Variants in POLE4 observed in about 807,000 individuals in gnomAD.
POLE4 encodes the protein DNA polymerase epsilon 4, accessory subunit.
POLE4 carries 15 observed loss-of-function variants against 15.6 expected under a neutral mutation model. The ratio of observed to expected loss-of-function variants is 0.96; its 90% CI spans 0.64 to 1.48. The LOEUF (loss-of-function observed/expected upper bound fraction) is 1.48. Among genes scored for constraint, POLE4 ranks in the 40% most tolerant of loss-of-function variants. The probability of loss-of-function intolerance (pLI) is 0.00; values close to 1 mark genes in which losing one functional copy is unlikely to be tolerated. For synonymous variants in POLE4, 83 were observed against 63.2 expected (o/e 1.31, Z -1.49); for missense variants, 205 against 151.9 (o/e 1.35, Z -1.84).
At chr2:74,960,720 C>T (rs1011020031) in intron 3 of POLE4, 9 of 418,032 alleles carry the variant, frequency 2.2e-5, no homozygotes, top group Non-Finnish European at 2.9e-5. Flanking sequence ...TCAGCTTACT[C>T]TTCACTACAC....
rs140595434 is a variant in POLE4, at chr2:74,959,407, C to G, written c.280C>G (p.Leu94Val). 5.6e-6 allele frequency: 9 copies of G among 1,611,590 alleles called. No homozygotes were observed. The African/African-American group carries it at 6.7e-5, about 12-fold the overall frequency. The change falls in exon 2 of 4, where the codon CTT (leucine) becomes GTT (valine). Residue 94 changes from leucine to valine, a missense_variant. Physicochemically the swap from Leu to Val is conservative, Grantham distance 32. Coordinates refer to ENST00000483063, the MANE Select transcript of POLE4 (RefSeq NM_019896.4). ...CGCTCAGCAGGGAAAAAGGAAAACC[C>G]TTCAGAGGAGAGACTTGGGTAGAGT... ...CCAQQGKRKT[L>V]QRRDLDNAIE... is the part of the protein sequence containing the mutation.
chr2:74,963,409 T>A (rs941599634), intron 3 of POLE4, among the ~76,000 whole-genome samples: 2 of 149,992 alleles, frequency 1.3e-5, no homozygotes, highest in Non-Finnish European at 3.0e-5. Context: ...TACATGCCCA[T>A]TTTTTTTTGA....
rs149307309 is a variant in POLE4 at position 74,958,824 on chromosome 2, T to C, written c.145T>C (p.Leu49=). 1.3e-6 allele frequency: 2 copies of C among 1,558,674 alleles called. No homozygotes were observed. The highest frequency in any genetic ancestry group is 1.7e-6 in the Non-Finnish European group (2 of 1,151,376). ...SRLPLARVKA[L]VKADPDVTLA... ...GTTGCCTCTGGCGCGAGTGAAGGCC[T>C]TGGTGAAGGCAGATCCCGACGTGAC... is the stretch of plus-strand genomic sequence containing the variant. The change falls in exon 1 of 4, where the codon TTG becomes CTG. Residue 49 remains leucine (L), a synonymous_variant. Coordinates refer to ENST00000483063, the MANE Select transcript of POLE4 (RefSeq NM_019896.4).
chr2:74,967,127 G>C (rs1183613591), intron 3 of POLE4, among the ~76,000 whole-genome samples: 2 of 152,022 alleles, frequency 1.3e-5, no homozygotes, highest in Non-Finnish European at 2.9e-5. Context: ...CATCTGTCCT[G>C]GAAAATTCTC....
In POLE4 at chr2:74,958,714, C is replaced by G; in HGVS notation, c.35C>G (p.Pro12Arg). The G allele has an allele frequency of 6.7e-7, 1 of 1,494,064 alleles. No individual in the cohort carries two copies. Among genetic ancestry groups the G allele is most frequent in the South Asian group, 1.3e-5 (1 of 78,792 alleles). 92.6% of individuals were successfully genotyped at this position (1,494,064 alleles called of 1,614,324 possible). A position where few individuals can be genotyped will look rare whatever the true frequency, so the allele number is the denominator to read the frequency against. ...AAAAAAGSGT[P>R]REEEGPAGEA... ...GCGGCGGCGGCAGGAAGCGGGACGC[C>G]CCGAGAGGAGGAGGGACCTGCTGGG... The change falls in exon 1 of 4, where the codon CCC becomes CGC. Residue 12 changes from proline to arginine, a missense_variant. Physicochemically the swap from Pro to Arg is moderately radical, Grantham distance 103. Coordinates refer to ENST00000483063, the MANE Select transcript of POLE4 (RefSeq NM_019896.4).
At chr2:74,960,627 C>A in intron 3 of POLE4, 1 of 480,084 alleles carries the variant, frequency 2.1e-6, no homozygotes. Context: ...TAAATTTTGT[C>A]ATTAAAAAAG....
chr2:74,962,535 C>T (rs749822572), intron 3 of POLE4, among the ~76,000 whole-genome samples: 1 of 152,150 alleles, frequency 6.6e-6, no homozygotes, highest in Non-Finnish European at 1.5e-5. Context: ...ACAACTGTTA[C>T]TAGTTTTCTT....
At chr2:74,962,535 C>A (rs749822572) in intron 3 of POLE4, among the ~76,000 whole-genome samples, 4 of 152,150 alleles carry the variant, frequency 2.6e-5, no homozygotes, top group Non-Finnish European at 5.9e-5. Context: ...ACAACTGTTA[C>A]TAGTTTTCTT....
chr2:74,963,710 G>A (rs372194932), intron 3 of POLE4, among the ~76,000 whole-genome samples: 12 of 152,068 alleles, frequency 7.9e-5, no homozygotes, highest in East Asian at 3.9e-4. Context: ...GGCTGGTCTC[G>A]AACTCCTGAC....
At chr2:74,960,069 G>A in intron 2 of POLE4, 36 bp from the exon 3 acceptor site, 1 of 1,600,950 alleles carries the variant, frequency 6.2e-7, no homozygotes, top group African/African-American at 1.3e-5. Flanking sequence ...CAGCATGGCT[G>A]AAGTTAGTCA....
In POLE4 at chr2:74,968,433, T is replaced by G. The variant is rs1671323573; in HGVS notation, c.341-976T>G. On this transcript the variant is annotated intron_variant, in intron 3 of 3. Coordinates refer to ENST00000483063, the MANE Select transcript of POLE4 (RefSeq NM_019896.4). ...TGTTTGGTAACTGTGTGTGTGTGTA[T>G]GGGATGAGGGGGTGGTTGTTGCCTG... Among the ~76,000 whole-genome samples the G allele has an allele frequency of 3.3e-5, 5 of 152,098 alleles. No homozygotes were observed. The South Asian group carries it at 1.0e-3, about 32-fold the overall frequency.
intron 3 of POLE4, among the ~76,000 whole-genome samples, chr2:74,966,140 A>G (rs1001393296): frequency 2.8e-5 from 4 of 143,458 alleles, no homozygotes; most frequent in Admixed American, 7.0e-5. Context: ...CTCTATTTCT[A>G]TTCTTTTAGT....
rs1280557335 is a variant in POLE4 at position 74,959,369 on chromosome 2, A to T, written c.242A>T (p.Asp81Val). Residue 81 changes from aspartate to valine, a missense_variant, in exon 2 of 4, where the codon GAT becomes GTT. By Grantham distance (152) the Asp-to-Val change is radical. Coordinates refer to ENST00000483063, the MANE Select transcript of POLE4 (RefSeq NM_019896.4). Reference sequence around the variant, plus strand: ...CTGTTTGTGGAGACCATTGCAAAAGATGCCTACTGTTGCGCTCAGCAGGGA... The same window carrying T: ...CTGTTTGTGGAGACCATTGCAAAAGTTGCCTACTGTTGCGCTCAGCAGGGA... ...AELFVETIAK[D>V]AYCCAQQGKR... The T allele has an allele frequency of 6.2e-7, 1 of 1,613,800 alleles. No individual in the cohort carries two copies. The highest frequency in any genetic ancestry group is 1.3e-5 in the African/African-American group (1 of 74,942).
intron 3 of POLE4, chr2:74,960,747 T>C: frequency 2.7e-6 from 1 of 372,748 alleles, no homozygotes; most frequent in South Asian, 2.0e-5. Context: ...AGTCATGTGC[T>C]GCGTAATAAC....
chr2:74,959,961 TG>T (rs1448324051), intron 2 of POLE4, 143 bp from the exon 3 acceptor site: 1 of 680,872 alleles, frequency 1.5e-6, no homozygotes, highest in Non-Finnish European at 2.7e-6. Context: ...AGAGTAGATA[TG>T]GATCTCAAGG....
chr2:74,959,266 C>T (rs1329143588), intron 1 of POLE4, 75 bp from the exon 2 acceptor site: 1 of 900,954 alleles, frequency 1.1e-6, no homozygotes, highest in Non-Finnish European at 1.8e-6. Context: ...TTTCTGCCCC[C>T]ACCCACAAAC....
chr2:74,967,835 T>A (rs887081524), intron 3 of POLE4, among the ~76,000 whole-genome samples: 5 of 152,230 alleles, frequency 3.3e-5, no homozygotes, highest in Non-Finnish European at 5.9e-5. Flanking sequence ...GATCTAAGAC[T>A]TGAAGGTTTC....
At chr2:74,960,322 T>C in intron 3 of POLE4, 176 bp downstream of exon 3, 3 of 616,888 alleles carry the variant, frequency 4.9e-6, no homozygotes, top group Non-Finnish European at 8.7e-6. Context: ...GTTTTCTCCC[T>C]TGGGGAATTA....
chr2:74,960,156 C>G lies in POLE4; in HGVS notation c.340+10C>G, dbSNP rs1671194351. 1.2e-6 allele frequency: 2 copies of G among 1,606,642 alleles called. No individual in the cohort carries two copies. The highest frequency in any genetic ancestry group is 8.5e-7 in the Non-Finnish European group (1 of 1,173,206). ...TTTGCTTTTCTGGAAGGTGAGTTCCCTCTCAGTGGGCAATCATTTCCGCCT... is the reference window on the plus strand; with the variant it reads ...TTTGCTTTTCTGGAAGGTGAGTTCCGTCTCAGTGGGCAATCATTTCCGCCT... On this transcript the variant is annotated intron_variant, in intron 3 of 3. Transcript: ENST00000483063.
Sources: allele counts gnomAD v4.1 joint callset (sites outside exome capture counted in the v4.1 genomes callset), GRCh38; gene constraint gnomAD v4.1.1; transcripts MANE v1.5; gene names NCBI Gene and HGNC (gene_info 2026-07-23, HGNC 2026-07-21).